MTAP: variants seen among roughly 807,000 people sequenced by gnomAD.
MTAP encodes methylthioadenosine phosphorylase, also known as S-methyl-5'-thioadenosine phosphorylase.
MTAP carries 33 observed loss-of-function variants against 33.6 expected under a neutral mutation model. The ratio of observed to expected loss-of-function variants is 0.98; its 90% CI spans 0.74 to 1.31. The LOEUF (loss-of-function observed/expected upper bound fraction) is 1.31. Ranked by LOEUF, MTAP falls within the 40% of genes most tolerant of loss-of-function variation. The pLI, the probability that MTAP is intolerant of heterozygous loss-of-function variation, is 0.00. For missense variants in MTAP, 367 were observed against 360.0 expected, an observed-to-expected ratio of 1.02 and a Z score of -0.16; for synonymous variants, 148 against 125.7, an observed-to-expected ratio of 1.18 and a Z score of -1.19.
At chr9:21,875,473 T>A in intron 1 of MTAP, among the ~76,000 whole-genome samples, 1 of 152,120 alleles carries the variant, frequency 6.6e-6, no homozygotes, top group East Asian at 1.9e-4. Context: ...TTAAGTTCCT[T>A]GTAGATTCTG....
At chr9:21,846,608 T>C (rs1472367266) in intron 5 of MTAP, among the ~76,000 whole-genome samples, 1 of 148,202 alleles carries the variant, frequency 6.7e-6, no homozygotes, top group Admixed American at 6.7e-5. Context: ...GTAGATGTGG[T>C]GTAAAGGGAA....
At chr9:21,818,828 C>T (rs1824554461) in intron 4 of MTAP, among the ~76,000 whole-genome samples, 2 of 152,100 alleles carry the variant, frequency 1.3e-5, no homozygotes, top group South Asian at 2.1e-4. Flanking sequence ...ATACATAATA[C>T]GTTGTCATTA....
At chr9:21,899,039 A>C (rs533440980) in intron 1 of MTAP, among the ~76,000 whole-genome samples, 1 of 152,156 alleles carries the variant, frequency 6.6e-6, no homozygotes, top group Non-Finnish European at 1.5e-5. Flanking sequence ...TACACCATGG[A>C]ATACTATGCA....
Position 21,915,591 on chromosome 9 carries a change from A to T in MTAP, c.148-15417A>T, listed in dbSNP as rs75548366. Reference sequence around the variant, plus strand: ...CCTAGGAGTGGAATTACTGGGCTATATGGTAACTCCACATAAGTTTTAGAA... The same window carrying T: ...CCTAGGAGTGGAATTACTGGGCTATTTGGTAACTCCACATAAGTTTTAGAA... On this transcript the variant is annotated intron_variant, in intron 1 of 1. Coordinates refer to the MTAP transcript ENST00000577563. 6.5e-3 allele frequency among the ~76,000 whole-genome samples: 995 copies of T among 152,240 alleles called. 16 individuals carry two copies. The highest frequency in any genetic ancestry group is 0.022 in the African/African-American group (899 of 41,542).
Position 21,818,113 on chromosome 9 carries a change from T to A in MTAP, c.258T>A (p.Cys86Ter), listed in dbSNP as rs1824530532. 1 of 1,613,964 alleles carries A rather than the reference T, an allele frequency of 6.2e-7. No homozygotes were observed. The highest frequency in any genetic ancestry group is 8.5e-7 in the Non-Finnish European group (1 of 1,180,022). ...ANIWALKEEGCTHVIVTTACG... is the reference protein window; with the variant it reads ...ANIWALKEEG ...TCTGGGCTTTGAAGGAAGAGGGCTG[T>A]ACACATGTCATAGTGACCACAGCTT... The change falls in exon 4 of 8, where the codon TGT (cysteine) becomes TGA (stop). Residue 86 changes from cysteine (C) to a stop codon, truncating the protein, a stop_gained. Coordinates refer to ENST00000644715, the MANE Select transcript of MTAP (RefSeq NM_002451.4). LOFTEE classifies it high-confidence loss of function.
chr9:21,916,910 G>A (rs1026577025), intron 1 of MTAP, among the ~76,000 whole-genome samples: 1 of 152,170 alleles, frequency 6.6e-6, no homozygotes, highest in African/African-American at 2.4e-5. Flanking sequence ...AAATGAATAC[G>A]GAGGATATTG....
At chr9:21,936,205 A>G (rs1478971356) in exon 8 of MTAP, 2 of 152,186 alleles carry the variant, frequency 1.3e-5, no homozygotes, top group Non-Finnish European at 2.9e-5. Flanking sequence ...TTTGAATTTA[A>G]CTCCACAAGT....
intron 1 of MTAP, among the ~76,000 whole-genome samples, chr9:21,804,694 A>G (rs869329): frequency 0.61 from 92,920 of 152,076 alleles, 29,795 homozygotes; most frequent in African/African-American, 0.82. Flanking sequence ...TAAAAACCAC[A>G]TCCTATTCCC....
chr9:21,894,123 C>T (rs1818247264), intron 1 of MTAP, among the ~76,000 whole-genome samples: 1 of 149,432 alleles, frequency 6.7e-6, no homozygotes, highest in East Asian at 2.0e-4. Context: ...TATGATTTGT[C>T]ACAAAAGCAA....
intron 1 of MTAP, among the ~76,000 whole-genome samples, chr9:21,911,982 A>G (rs1292083581): frequency 6.6e-6 from 1 of 152,240 alleles, no homozygotes; most frequent in Non-Finnish European, 1.5e-5. Flanking sequence ...ACAAACTACC[A>G]TCAGAGAATA....
chr9:21,875,355 G>C (rs973680000), intron 1 of MTAP, among the ~76,000 whole-genome samples: 1 of 152,074 alleles, frequency 6.6e-6, no homozygotes, highest in Non-Finnish European at 1.5e-5. Context: ...CAGTGATGTT[G>C]AGCTTTTTTT....
intron 4 of MTAP, among the ~76,000 whole-genome samples, chr9:21,826,812 G>A (rs1055490515): frequency 6.6e-6 from 1 of 151,962 alleles, no homozygotes; most frequent in Non-Finnish European, 1.5e-5. Context: ...GGCTTGTTAG[G>A]AACCGGGCTG....
chr9:21,821,554 G>A (rs1370330858), intron 4 of MTAP, among the ~76,000 whole-genome samples: 18 of 152,132 alleles, frequency 1.2e-4, no homozygotes, highest in African/African-American at 3.4e-4. Flanking sequence ...TTTTTGCATC[G>A]ATGTTCATCA....
In MTAP at chr9:21,900,016, T is replaced by C. The variant is rs182059995; in HGVS notation, c.148-30992T>C. On this transcript the variant is annotated intron_variant, in intron 1 of 1. Coordinates refer to the MTAP transcript ENST00000577563. Reference sequence around the variant, plus strand: ...AACTGGACCCCTTCCTTATACCATATACAAAAATCAACTCAGGATGCATTA... The same window carrying C: ...AACTGGACCCCTTCCTTATACCATACACAAAAATCAACTCAGGATGCATTA... Among the ~76,000 whole-genome samples, 97 of 152,270 alleles carry C rather than the reference T, an allele frequency of 6.4e-4. 1 individual carries two copies. The Middle Eastern group carries it at 0.014, about 21-fold the overall frequency.
downstream of MTAP, chr9:21,933,574 T>C (rs938070868): frequency 2.0e-5 from 3 of 152,192 alleles, no homozygotes; most frequent in Admixed American, 1.3e-4. Flanking sequence ...ATAGAGCTAA[T>C]TGGAAATTGA....
chr9:21,809,993 A>C (rs60465887), intron 1 of MTAP, among the ~76,000 whole-genome samples: 10,472 of 152,270 alleles, frequency 0.069, 1,231 homozygotes, highest in African/African-American at 0.24. Flanking sequence ...GTACTTCTCA[A>C]GGGGCATTTG....
chr9:21,901,497 C>T (rs1229170240), intron 1 of MTAP, among the ~76,000 whole-genome samples: 2 of 152,116 alleles, frequency 1.3e-5, no homozygotes, highest in East Asian at 1.9e-4. Flanking sequence ...CAGAAAATTG[C>T]CACATTTTAG....
chr9:21,926,413 A>G (rs561620459), intron 1 of MTAP, among the ~76,000 whole-genome samples: 1 of 152,318 alleles, frequency 6.6e-6, no homozygotes, highest in East Asian at 1.9e-4. Context: ...CAGTAGTCCC[A>G]ATACACCCAA....
At position 21,922,664 on chromosome 9, in the gene MTAP, GAGA is replaced by G. The variant is rs1311318970; in HGVS notation, c.148-8338_148-8336del. ...CTCTATGCCTCTCCTTCTTTGGCTG[GAGA>G]AGAAGGAGATCTGTACACAGTTTTC... On this transcript the variant is annotated intron_variant, in intron 1 of 1. Coordinates refer to the MTAP transcript ENST00000577563. The surrounding 1 kb of genome is among the most constrained non-coding windows in gnomAD (Gnocchi z 4.8). 6.6e-6 allele frequency among the ~76,000 whole-genome samples: 1 copy of G among 152,018 alleles called. No homozygotes were observed. The highest frequency in any genetic ancestry group is 1.5e-5 in the Non-Finnish European group (1 of 68,010).
Sources: allele counts gnomAD v4.1 joint callset (sites outside exome capture counted in the v4.1 genomes callset), GRCh38; gene constraint gnomAD v4.1.1; non-coding constraint Gnocchi (gnomAD v3.1); transcripts MANE v1.5; gene names NCBI Gene and HGNC (gene_info 2026-07-23, HGNC 2026-07-21).